The following ARHGEF12 variants were observed in gnomAD, a reference collection of about 807,000 sequenced individuals.
ARHGEF12 encodes the protein Rho guanine nucleotide exchange factor 12, also known as KMT2A/ARHGEF12 fusion protein.
A neutral mutation model predicts 211.2 loss-of-function variants in ARHGEF12; 66 were observed. That is an observed-to-expected ratio of 0.31 (90% CI 0.26 to 0.38). ARHGEF12 has a LOEUF of 0.38. Ranked by LOEUF, ARHGEF12 falls within the 10% of genes least tolerant of loss-of-function variation. The pLI is 1.00. For missense variants in ARHGEF12, 1,429 were observed against 1,869.5 expected (o/e 0.76, Z 4.34); for synonymous variants, 592 against 638.4 (o/e 0.93, Z 1.09).
In ARHGEF12 at chr11:120,409,423, T is replaced by A; in HGVS notation, c.172T>A (p.Ser58Thr). 6.2e-7 allele frequency: 1 copy of A among 1,613,966 alleles called. No homozygotes were observed. Residue 58 changes from serine (S) to threonine (T), a missense_variant, in exon 4 of 41, where the codon TCA (serine) becomes ACA (threonine). Ser to Thr is a moderately conservative substitution (Grantham distance 58). This residue lies in a region of ARHGEF12 where 60 missense variants were observed against 121.0 expected (regional missense o/e 0.50). Transcript: ENST00000397843. ...CTCCTCCAAGAAGACAAAGTCTAGT[T>A]CAGAGGAGAGTAGATCCGAGATATA... ...DSSSKKTKSS[S>T]EESRSEIYGL...
chr11:120,445,968 G>A (rs1321143770), intron 16 of ARHGEF12, among the ~76,000 whole-genome samples: 2 of 151,918 alleles, frequency 1.3e-5, no homozygotes, highest in African/African-American at 4.8e-5. Flanking sequence ...TTGGGAGGCC[G>A]AGGCGGGTGG....
intron 34 of ARHGEF12, 113 bp from the exon 35 acceptor site, chr11:120,477,106 T>C (rs1947055579): frequency 1.4e-6 from 1 of 710,010 alleles, no homozygotes; most frequent in Non-Finnish European, 2.4e-6. Context: ...GTTGTTGTTG[T>C]TGTTGTTGTT....
chr11:120,357,367 G>A (rs114712115), intron 1 of ARHGEF12, among the ~76,000 whole-genome samples: 462 of 152,284 alleles, frequency 3.0e-3, no homozygotes, highest in African/African-American at 0.01. Context: ...TACTGTTTCT[G>A]CCTTTTAGGA....
chr11:120,337,741 A>G (rs1328167068), intron 1 of ARHGEF12: 9 of 985,310 alleles, frequency 9.1e-6, no homozygotes, highest in African/African-American at 1.7e-5. Flanking sequence ...TGATCTGGGA[A>G]CTTGATCTCT....
At chr11:120,446,109 A>C (rs1169393221) in intron 16 of ARHGEF12, among the ~76,000 whole-genome samples, 3 of 151,528 alleles carry the variant, frequency 2.0e-5, no homozygotes, top group Non-Finnish European at 2.9e-5. Flanking sequence ...GAGGCAGGAG[A>C]ATGGCATGAA....
At chr11:120,347,188 C>T (rs1942781342) in intron 1 of ARHGEF12, among the ~76,000 whole-genome samples, 1 of 131,030 alleles carries the variant, frequency 7.6e-6, no homozygotes, top group African/African-American at 3.1e-5. Context: ...TCCTTCCTTT[C>T]TTTCTTTCTT....
chr11:120,351,003 A>C (rs1312644426), intron 1 of ARHGEF12, among the ~76,000 whole-genome samples: 2 of 152,168 alleles, frequency 1.3e-5, no homozygotes, highest in Non-Finnish European at 2.9e-5. Context: ...CTAATATTTT[A>C]GACTTTGAAA....
intron 7 of ARHGEF12, among the ~76,000 whole-genome samples, chr11:120,425,517 G>A (rs1198526501): frequency 2.0e-5 from 3 of 151,244 alleles, no homozygotes; most frequent in African/African-American, 7.3e-5. Flanking sequence ...TGTTCCCCAG[G>A]CTGCTGTCAA....
intron 12 of ARHGEF12, chr11:120,438,495 A>T (rs752439504): frequency 6.6e-6 from 1 of 152,126 alleles, no homozygotes; most frequent in African/African-American, 2.4e-5. Context: ...TAAAGAAAAT[A>T]ATAAGAGTTG....
At chr11:120,448,626 C>A in intron 20 of ARHGEF12, 1 of 415,838 alleles carries the variant, frequency 2.4e-6, no homozygotes, top group Non-Finnish European at 4.3e-6. Context: ...TTTACTTTGC[C>A]TAAACTAAAT....
intron 1 of ARHGEF12, chr11:120,365,649 TA>T (rs971998669): frequency 2.0e-5 from 3 of 152,214 alleles, no homozygotes; most frequent in Non-Finnish European, 4.4e-5. Flanking sequence ...TTGTTAGGGT[TA>T]ACAAGAAGAA....
At chr11:120,482,076 G>T (rs1052258734) in intron 39 of ARHGEF12, among the ~76,000 whole-genome samples, 1 of 152,122 alleles carries the variant, frequency 6.6e-6, no homozygotes, top group Non-Finnish European at 1.5e-5. Flanking sequence ...TTTATCTTTT[G>T]ACTATCACAA....
chr11:120,362,692 G>A (rs1422722639), intron 1 of ARHGEF12, among the ~76,000 whole-genome samples: 1 of 152,152 alleles, frequency 6.6e-6, no homozygotes, highest in Non-Finnish European at 1.5e-5. Flanking sequence ...AGATTATTAT[G>A]AATGTCTTTC....
chr11:120,353,653 G>A (rs997347729), intron 1 of ARHGEF12, among the ~76,000 whole-genome samples: 1 of 152,076 alleles, frequency 6.6e-6, no homozygotes, highest in Non-Finnish European at 1.5e-5. Context: ...GCTACTAAAT[G>A]ATGTCTCCAA....
rs566520787 is a variant in ARHGEF12 at position 120,477,631 on chromosome 11, G to T, written c.3532+105G>T. The T allele has an allele frequency of 7.8e-5, 81 of 1,032,634 alleles. No homozygotes were observed. In the Admixed American group the frequency reaches 1.2e-3, roughly 15 times the overall value. The allele number at this position is 1,032,634 out of a possible 1,614,324, so 64.0% of individuals were successfully genotyped here. On this transcript the variant is annotated intron_variant, in intron 36 of 40. Transcript: ENST00000397843. The stretch of plus-strand genomic sequence containing the variant: ...TGTAATCCCAGTGCTTTGGGAGGTC[G>T]AGATAGGCGTATCACCTGAGGCCAG...
intron 1 of ARHGEF12, among the ~76,000 whole-genome samples, chr11:120,395,320 A>G (rs1164942460): frequency 2.0e-5 from 3 of 152,138 alleles, no homozygotes; most frequent in African/African-American, 2.4e-5. Flanking sequence ...AAATCAGGCA[A>G]TGTAAGTAAA....
intron 1 of ARHGEF12, among the ~76,000 whole-genome samples, chr11:120,395,251 G>A (rs952592698): frequency 1.3e-5 from 2 of 152,010 alleles, no homozygotes; most frequent in Admixed American, 6.6e-5. Flanking sequence ...GTGTATGTAT[G>A]TGTGTGTAAT....
Position 120,481,316 on chromosome 11 carries a change from G to A in ARHGEF12, c.4294G>A (p.Glu1432Lys), listed in dbSNP as rs1229087719. 1 of 1,614,040 alleles carries A rather than the reference G, an allele frequency of 6.2e-7. No individual in the cohort carries two copies. The highest frequency in any genetic ancestry group is 1.3e-5 in the African/African-American group (1 of 74,902). The change falls in exon 39 of 41, where the codon GAG becomes AAG. Residue 1432 changes from glutamate (E) to lysine (K), a missense_variant. Glu to Lys is a moderately conservative substitution (Grantham distance 56). Transcript: ENST00000397843. ...AGTGCAGGAGAGTTCCACAGATGAG[G>A]AGGTTGCTTCCTCACTTACCCTGCA... ...DPVQESSTDE[E>K]VASSLTLQPM... is the part of the protein sequence containing the mutation.
At chr11:120,464,403 A>AC (rs200712851) in intron 27 of ARHGEF12, 2,813 of 152,218 alleles carry the variant, frequency 0.018, 41 homozygotes, top group Non-Finnish European at 0.03. Context: ...ACATGGTGAA[A>AC]CCCCATCTCT....
Sources: gnomAD v4.1 joint callset for allele counts (sites outside exome capture counted in the v4.1 genomes callset) on GRCh38, gnomAD v4.1.1 for gene constraint, gnomAD v4.1.1 regional missense constraint, MANE v1.5 for transcripts, NCBI Gene and HGNC (gene_info 2026-07-23, HGNC 2026-07-21) for gene names.